The following DACH2 variants were observed in gnomAD, a reference collection of about 807,000 sequenced individuals.
The protein encoded by DACH2 is dachshund family transcription factor 2.
A neutral mutation model predicts 35.8 loss-of-function variants in DACH2; 17 were observed. The ratio of observed to expected loss-of-function variants is 0.48; its 90% CI spans 0.33 to 0.71. The LOEUF is 0.71. Among genes scored for constraint, DACH2 ranks in the 30% least tolerant of loss-of-function variants. DACH2 has a pLI of 0.02. For missense variants in DACH2, 469 were observed against 472.7 expected (o/e 0.99, Z 0.07); for synonymous variants, 195 against 177.3 (o/e 1.10, Z -0.79).
intron 1 of DACH2, among the ~76,000 whole-genome samples, chrX:86,368,564 C>CTT (rs11446638): frequency 1.2e-4 from 10 of 84,315 alleles, no homozygotes; most frequent in Middle Eastern, 6.0e-3. Flanking sequence ...CTTTCTTCTT[C>CTT]TTTTTTTTTT....
Position 86,364,712 on chromosome X carries a change from C to T in DACH2, c.489-12112C>T, listed in dbSNP as rs928836816. ...GGAAGACTTTTCTTTCTTCTATTCT[C>T]GCATTTTTCTTTCATTTTTTCTTTC... is the stretch of plus-strand genomic sequence containing the variant. On this transcript the variant is annotated intron_variant, in intron 1 of 11. Transcript: ENST00000373125. Among the ~76,000 whole-genome samples, 7 of 111,432 alleles carry T rather than the reference C, an allele frequency of 6.3e-5. No homozygotes were observed. The Admixed American group carries it at 6.7e-4, about 11-fold the overall frequency.
intron 3 of DACH2, among the ~76,000 whole-genome samples, chrX:86,578,671 A>T (rs1371729373): frequency 8.9e-6 from 1 of 111,873 alleles, no homozygotes; most frequent in East Asian, 2.8e-4. Flanking sequence ...TCACCTATTG[A>T]AGGACATCTT....
chrX:86,293,071 G>C (rs1043109197), intron 1 of DACH2, among the ~76,000 whole-genome samples: 27 of 94,191 alleles, frequency 2.9e-4, no homozygotes, highest in Non-Finnish European at 6.2e-5. Context: ...AAGTCTCTTT[G>C]TAGGTCACTC....
chrX:86,313,267 A>G (rs970373306), intron 1 of DACH2, among the ~76,000 whole-genome samples: 1 of 111,973 alleles, frequency 8.9e-6, no homozygotes, highest in Non-Finnish European at 1.9e-5. Flanking sequence ...TTTTTAAAAG[A>G]CAAATGGTTA....
At position 86,323,108 on chromosome X, in the gene DACH2, T is replaced by G. The variant is rs73518128; in HGVS notation, c.489-53716T>G. ...GGATTCCTATTCCACTAGGTGGAGG[T>G]GTAAGCCTTGAAATACCAGGCAGTA... On this transcript the variant is annotated intron_variant, in intron 1 of 11. Coordinates refer to ENST00000373125, the MANE Select transcript of DACH2 (RefSeq NM_053281.3). 3.0e-3 allele frequency among the ~76,000 whole-genome samples: 336 copies of G among 111,975 alleles called. 3 individuals carry two copies. Among genetic ancestry groups the G allele is most frequent in the African/African-American group, 9.7e-3 (298 of 30,826 alleles).
intron 4 of DACH2, among the ~76,000 whole-genome samples, chrX:86,679,594 C>T (rs1035575429): frequency 1.0e-5 from 1 of 95,650 alleles, no homozygotes; most frequent in Non-Finnish European, 2.1e-5. Context: ...TTATATGTCT[C>T]TCTCTCTCTC....
chrX:86,257,291 GCCTTATTGCATGTAA>G (rs1470818006), intron 1 of DACH2, among the ~76,000 whole-genome samples: 1 of 111,758 alleles, frequency 8.9e-6, no homozygotes, highest in Non-Finnish European at 1.9e-5. Context: ...CTCTTTATGT[GCCTTATTGCATGTAA>G]CCTACTTTTG....
At chrX:86,749,084 C>T (rs1203341250) in intron 7 of DACH2, among the ~76,000 whole-genome samples, 1 of 111,952 alleles carries the variant, frequency 8.9e-6, no homozygotes, top group Non-Finnish European at 1.9e-5. Context: ...AGAGGTAGGG[C>T]CTTGCTCTGG....
At position 86,293,481 on chromosome X, in the gene DACH2, T is replaced by G. The variant is rs1198729214; in HGVS notation, c.489-83343T>G. On this transcript the variant is annotated intron_variant, in intron 1 of 11. Coordinates refer to ENST00000373125, the MANE Select transcript of DACH2 (RefSeq NM_053281.3). ...TCCTGTCATTATGATGTTAGCTGGT[T>G]ATTTTGCTTGTTAGTTGATGCAGTT... 8.3e-5 allele frequency among the ~76,000 whole-genome samples: 9 copies of G among 108,821 alleles called. 1 individual carries two copies. The East Asian group carries it at 1.5e-3, about 18-fold the overall frequency. 94.5% of individuals were successfully genotyped at this position (108,821 alleles called of 115,157 possible).
At chrX:86,219,770 A>G (rs1042752936) in intron 1 of DACH2, among the ~76,000 whole-genome samples, 61 of 110,449 alleles carry the variant, frequency 5.5e-4, no homozygotes, top group African/African-American at 2.0e-3. Flanking sequence ...AAAACTGCAC[A>G]TATTTAATAT....
intron 3 of DACH2, among the ~76,000 whole-genome samples, chrX:86,549,396 T>G (rs190737505): frequency 8.0e-4 from 89 of 110,811 alleles, no homozygotes; most frequent in Admixed American, 4.0e-3. Flanking sequence ...TTTAATAGAG[T>G]TTTGCACAAT....
At chrX:86,667,564 GA>G (rs1309381452) in intron 4 of DACH2, among the ~76,000 whole-genome samples, 11 of 89,351 alleles carry the variant, frequency 1.2e-4, no homozygotes, top group East Asian at 3.7e-4. Context: ...AAGAAAGAAA[GA>G]AAGAAAGAAA....
At chrX:86,753,375 TTATGATGCATTAAATTATAGTTAGATA>T (rs1213550728) in intron 7 of DACH2, among the ~76,000 whole-genome samples, 1 of 112,020 alleles carries the variant, frequency 8.9e-6, no homozygotes, top group African/African-American at 3.2e-5. Flanking sequence ...TTAAAATTCC[TTATGATGCATTAAATTATAGTTAGATA>T]AATGTATTTA....
chrX:86,653,014 T>C (rs1440256312), intron 4 of DACH2, among the ~76,000 whole-genome samples: 1 of 112,274 alleles, frequency 8.9e-6, no homozygotes, highest in Non-Finnish European at 1.9e-5. Flanking sequence ...CCAATTCCTG[T>C]GTCCAAAATG....
At chrX:86,633,968 A>G (rs1041632660) in intron 3 of DACH2, among the ~76,000 whole-genome samples, 3 of 112,393 alleles carry the variant, frequency 2.7e-5, no homozygotes, top group African/African-American at 9.7e-5. Context: ...TGGGTAATTT[A>G]TGAAGAGAAG....
intron 2 of DACH2, among the ~76,000 whole-genome samples, chrX:86,505,753 A>C (rs1264484444): frequency 4.5e-5 from 5 of 111,842 alleles, no homozygotes; most frequent in Non-Finnish European, 7.5e-5. Flanking sequence ...TTTATCTTTC[A>C]ATTTTCCATA....
intron 11 of DACH2, among the ~76,000 whole-genome samples, chrX:86,818,003 A>AT (rs35127715): frequency 3.6e-5 from 4 of 111,987 alleles, no homozygotes; most frequent in African/African-American, 1.3e-4. Context: ...ATTGGTTTGT[A>AT]TTTTTTTCCA....
intron 3 of DACH2, among the ~76,000 whole-genome samples, chrX:86,623,116 T>C (rs1489239063): frequency 8.9e-6 from 1 of 112,189 alleles, no homozygotes; most frequent in Middle Eastern, 4.6e-3. Flanking sequence ...GAGTAAGACA[T>C]AGTCAATGAC....
intron 3 of DACH2, among the ~76,000 whole-genome samples, chrX:86,565,676 G>A (rs1213894737): frequency 8.9e-6 from 1 of 111,733 alleles, no homozygotes; most frequent in Non-Finnish European, 1.9e-5. Flanking sequence ...ATAAGTGGTA[G>A]CAAAAATAGA....
Sources: gnomAD v4.1 joint callset for allele counts (sites outside exome capture counted in the v4.1 genomes callset) on GRCh38, gnomAD v4.1.1 for gene constraint, MANE v1.5 for transcripts, NCBI Gene and HGNC (gene_info 2026-07-23, HGNC 2026-07-21) for gene names.